Variants in DOCK1 observed in about 807,000 individuals in gnomAD.
DOCK1 encodes the protein dedicator of cytokinesis 1.
Under a neutral mutation model 262.7 loss-of-function variants are expected in DOCK1, and 138 were observed. That is an observed-to-expected ratio of 0.53 (90% CI 0.46 to 0.61). The LOEUF (loss-of-function observed/expected upper bound fraction) is 0.61, where lower values mean the gene tolerates loss of function less well. DOCK1 is among the 20% of genes least tolerant of loss of function. The pLI is 0.00. For synonymous variants in DOCK1, 866 were observed against 867.4 expected (o/e 1.00, Z 0.03); for missense variants, 1,908 against 2,370.7 (o/e 0.80, Z 4.05).
At chr10:127,190,612 A>G (rs910589057) in intron 27 of DOCK1, among the ~76,000 whole-genome samples, 6 of 146,386 alleles carry the variant, frequency 4.1e-5, no homozygotes, top group Non-Finnish European at 9.0e-5. Flanking sequence ...TATTTTTTAA[A>G]TAATATTTCC....
chr10:127,118,798 C>G (rs920106193), intron 25 of DOCK1, among the ~76,000 whole-genome samples: 1 of 152,200 alleles, frequency 6.6e-6, no homozygotes, highest in Non-Finnish European at 1.5e-5. Flanking sequence ...AAACACTGTA[C>G]AGGCCATTTG....
chr10:127,451,061 A>C (rs1056463157), intron 51 of DOCK1, among the ~76,000 whole-genome samples: 3 of 152,170 alleles, frequency 2.0e-5, no homozygotes, highest in Admixed American at 1.3e-4. Context: ...TCTAGATTTA[A>C]AAAGGCCACG....
chr10:127,265,332 G>T (rs887288718), intron 29 of DOCK1, among the ~76,000 whole-genome samples: 1 of 151,884 alleles, frequency 6.6e-6, no homozygotes, highest in African/African-American at 2.4e-5. Context: ...TCCCGATTTG[G>T]AGTTTGTGAG....
In DOCK1 at chr10:127,301,900, C is replaced by T. The variant is rs568794419; in HGVS notation, c.3045-37106C>T. Among the ~76,000 whole-genome samples, 66 of 149,820 alleles carry T rather than the reference C, an allele frequency of 4.4e-4. 1 individual carries two copies. The highest frequency in any genetic ancestry group is 1.5e-3 in the African/African-American group (61 of 40,496). ...GGTGGAGGTTGCAGTGAGCTGAGAT[C>T]GCACCACTGCACTCCAGCCTGGGTG... On this transcript the variant is annotated intron_variant, in intron 29 of 51. Coordinates refer to ENST00000623213, the MANE Select transcript of DOCK1 (RefSeq NM_001290223.2).
chr10:127,043,970 T>C (rs553890656), intron 21 of DOCK1, among the ~76,000 whole-genome samples: 5 of 152,202 alleles, frequency 3.3e-5, no homozygotes, highest in Non-Finnish European at 5.9e-5. Context: ...TAAGCAATTA[T>C]TGGGTTTCAT....
intron 27 of DOCK1, among the ~76,000 whole-genome samples, chr10:127,154,735 T>C (rs1397323962): frequency 1.3e-5 from 2 of 152,198 alleles, no homozygotes; most frequent in Non-Finnish European, 2.9e-5. Context: ...TTGGCCTTTG[T>C]AGGGGAGGTT....
At position 127,433,342 on chromosome 10, in the gene DOCK1, G is replaced by A. The variant is rs61733305; in HGVS notation, c.4974G>A (p.Thr1658=). ...CCCGGTCCATGGTGCGGTCCTTCACGATGCCTTCCTCATCCCGCCCTCTGT... is the reference window on the plus strand; with the variant it reads ...CCCGGTCCATGGTGCGGTCCTTCACAATGCCTTCCTCATCCCGCCCTCTGT... The part of the protein sequence containing the change: ...SRPRSMVRSF[T]MPSSSRPLSV... The change falls in exon 48 of 52, where the codon ACG becomes ACA. Residue 1658 remains threonine, a synonymous_variant. Transcript: ENST00000623213. The A allele has an allele frequency of 6.5e-5, 105 of 1,613,790 alleles. No individual in the cohort carries two copies. In the African/African-American group the frequency reaches 9.1e-4, roughly 14 times the overall value.
At chr10:127,059,397 A>G (rs2045386560) in intron 22 of DOCK1, among the ~76,000 whole-genome samples, 1 of 152,000 alleles carries the variant, frequency 6.6e-6, no homozygotes, top group Non-Finnish European at 1.5e-5. Flanking sequence ...CTTTTGTCTC[A>G]TTATCTTCCT....
intron 38 of DOCK1, among the ~76,000 whole-genome samples, chr10:127,388,764 G>T (rs1166862606): frequency 6.6e-6 from 1 of 152,214 alleles, no homozygotes; most frequent in Admixed American, 6.5e-5. Context: ...GTCATTGGCT[G>T]AAGGAGATCA....
At chr10:127,317,987 G>C (rs539425180) in intron 29 of DOCK1, among the ~76,000 whole-genome samples, 1 of 152,246 alleles carries the variant, frequency 6.6e-6, no homozygotes, top group Admixed American at 6.5e-5. Flanking sequence ...AAGGTGGGTG[G>C]CATCTTTAAT....
At chr10:126,950,662 C>T (rs2036133322) in intron 1 of DOCK1, among the ~76,000 whole-genome samples, 1 of 152,150 alleles carries the variant, frequency 6.6e-6, no homozygotes. Flanking sequence ...AGCAAGGCCA[C>T]ATGATGCCTG....
chr10:127,150,175 T>TG (rs2052349674), intron 27 of DOCK1, among the ~76,000 whole-genome samples: 1 of 152,218 alleles, frequency 6.6e-6, no homozygotes, highest in Non-Finnish European at 1.5e-5. Context: ...ACACTGCTAC[T>TG]GAGTCACCTG....
chr10:127,044,847 G>A (rs979954818), intron 21 of DOCK1, among the ~76,000 whole-genome samples: 3 of 152,120 alleles, frequency 2.0e-5, no homozygotes, highest in African/African-American at 4.8e-5. Flanking sequence ...GTTTCCTAAT[G>A]AGACAAACAA....
chr10:126,992,707 A>C (rs866756288), intron 6 of DOCK1, among the ~76,000 whole-genome samples: 5 of 110,762 alleles, frequency 4.5e-5, no homozygotes, highest in African/African-American at 1.5e-4. Flanking sequence ...CACAATACAC[A>C]AACACAGGCA....
At chr10:127,233,049 G>C (rs1443438150) in intron 27 of DOCK1, among the ~76,000 whole-genome samples, 1 of 152,136 alleles carries the variant, frequency 6.6e-6, no homozygotes, top group East Asian at 1.9e-4. Context: ...ATTTGATTTG[G>C]CATGGTCCCT....
chr10:126,907,065 C>G (rs1016132455), intron 1 of DOCK1, among the ~76,000 whole-genome samples: 3 of 152,166 alleles, frequency 2.0e-5, no homozygotes, highest in African/African-American at 7.2e-5. Context: ...TAACCTGCAC[C>G]CTGTGCACCA....
chr10:127,036,584 T>G (rs2043632445), intron 18 of DOCK1, among the ~76,000 whole-genome samples: 1 of 152,150 alleles, frequency 6.6e-6, no homozygotes, highest in African/African-American at 2.4e-5. Flanking sequence ...TAATGGTATT[T>G]TTTCGAGTAA....
At chr10:127,078,173 G>A (rs2046682015) in intron 23 of DOCK1, among the ~76,000 whole-genome samples, 1 of 152,148 alleles carries the variant, frequency 6.6e-6, no homozygotes, top group South Asian at 2.1e-4. Flanking sequence ...ATCTTCCAGA[G>A]AAGACATAGG....
intron 27 of DOCK1, among the ~76,000 whole-genome samples, chr10:127,188,476 C>T (rs2056476503): frequency 6.6e-6 from 1 of 152,172 alleles, no homozygotes; most frequent in South Asian, 2.1e-4. Flanking sequence ...CTCTTTTCAA[C>T]CATGGATCTG....
Sources: allele counts gnomAD v4.1 joint callset (sites outside exome capture counted in the v4.1 genomes callset), GRCh38; gene constraint gnomAD v4.1.1; transcripts MANE v1.5; gene names NCBI Gene and HGNC (gene_info 2026-07-23, HGNC 2026-07-21).